The following EVC2 variants were observed in gnomAD, a reference collection of about 807,000 sequenced individuals.
EVC2 encodes limbin.
A neutral mutation model predicts 149.3 loss-of-function variants in EVC2; 148 were observed. That is an observed-to-expected ratio of 0.99 (90% CI 0.87 to 1.14). EVC2 has a LOEUF of 1.14. Among genes scored for constraint, EVC2 ranks in the 50% most tolerant of loss-of-function variants. EVC2 has a pLI of 0.00. For synonymous variants in EVC2, 776 were observed against 649.9 expected, an observed-to-expected ratio of 1.19 and a Z score of -2.95; for missense variants, 1,854 against 1,627.3, an observed-to-expected ratio of 1.14 and a Z score of -2.40.
At chr4:5,698,578 C>T (rs1721631341) in intron 1 of EVC2, among the ~76,000 whole-genome samples, 1 of 152,200 alleles carries the variant, frequency 6.6e-6, no homozygotes, top group Non-Finnish European at 1.5e-5. Context: ...AGACTCAGAC[C>T]TCTCTACTGA....
intron 11 of EVC2, among the ~76,000 whole-genome samples, chr4:5,630,816 T>C (rs182590475): frequency 6.6e-6 from 1 of 152,294 alleles, no homozygotes; most frequent in East Asian, 1.9e-4. Flanking sequence ...AAGAATGACA[T>C]TTGCATTTCT....
chr4:5,551,685 G>A (rs1721742507), intron 21 of EVC2, among the ~76,000 whole-genome samples: 1 of 152,128 alleles, frequency 6.6e-6, no homozygotes, highest in Non-Finnish European at 1.5e-5. Flanking sequence ...GATTAGGGAG[G>A]GGCCAGGGGA....
In EVC2 at chr4:5,618,091, A is replaced by G. The variant is rs534226630; in HGVS notation, c.2706+387T>C. 9.9e-5 allele frequency among the ~76,000 whole-genome samples: 15 copies of G among 152,268 alleles called. No homozygotes were observed. The highest frequency in any genetic ancestry group is 3.6e-4 in the African/African-American group (15 of 41,564). On this transcript the variant is annotated intron_variant, in intron 15 of 21. Transcript: ENST00000344408. This position sits in a 1 kb window ranked among gnomAD's most constrained non-coding sequence, Gnocchi z 4.4. ...GAGTTGAGATGAGCATCCCTCCTCT[A>G]TGCCATATAGAAAGGCCTTTTGTAC...
chr4:5,672,968 G>C (rs564975554), intron 7 of EVC2, among the ~76,000 whole-genome samples: 1 of 152,336 alleles, frequency 6.6e-6, no homozygotes, highest in East Asian at 1.9e-4. Flanking sequence ...AGAAGCAGAT[G>C]AGTGGTTTGC....
intron 21 of EVC2, 75 bp from the exon 22 acceptor site, chr4:5,563,190 G>A: frequency 2.1e-6 from 3 of 1,434,462 alleles, no homozygotes; most frequent in Non-Finnish European, 2.9e-6. Context: ...TTCTCCAAGA[G>A]AATCCCTCCT....
At chr4:5,663,986 A>G (rs561341378) in intron 8 of EVC2, among the ~76,000 whole-genome samples, 2 of 152,336 alleles carry the variant, frequency 1.3e-5, no homozygotes, top group African/African-American at 4.8e-5. Context: ...GAGATAAATA[A>G]GCCCAACCCT....
chr4:5,630,037 G>A (rs1401624287), intron 11 of EVC2, among the ~76,000 whole-genome samples: 3 of 152,194 alleles, frequency 2.0e-5, no homozygotes, highest in Non-Finnish European at 2.9e-5. Flanking sequence ...AGAGTAAAAT[G>A]ATAACGAATC....
intron 7 of EVC2, among the ~76,000 whole-genome samples, chr4:5,667,056 T>G (rs1719329928): frequency 6.6e-6 from 1 of 152,150 alleles, no homozygotes; most frequent in South Asian, 2.1e-4. Flanking sequence ...ATTTCTCCCT[T>G]TTCCCTATAG....
intron 11 of EVC2, 137 bp downstream of exon 11, chr4:5,631,656 A>C: frequency 8.1e-7 from 1 of 1,240,570 alleles, no homozygotes; most frequent in Non-Finnish European, 1.1e-6. Context: ...CTGGAAACTC[A>C]CACACCAAGA....
intron 21 of EVC2, among the ~76,000 whole-genome samples, chr4:5,564,028 G>A (rs569477587): frequency 5.9e-5 from 9 of 151,976 alleles, no homozygotes; most frequent in Admixed American, 4.6e-4. Context: ...AAGCCACAGC[G>A]CTCTCTCTCT....
At chr4:5,602,845 A>T (rs558685982) in intron 16 of EVC2, among the ~76,000 whole-genome samples, 7 of 152,332 alleles carry the variant, frequency 4.6e-5, no homozygotes, top group Admixed American at 2.0e-4. Flanking sequence ...ATCCCAAATT[A>T]CAGAAATCAA....
At chr4:5,673,791 G>T (rs552763118) in intron 7 of EVC2, among the ~76,000 whole-genome samples, 1 of 152,352 alleles carries the variant, frequency 6.6e-6, no homozygotes, top group South Asian at 2.1e-4. Context: ...TACAGAGTTT[G>T]ACTTCATTAT....
intron 9 of EVC2, among the ~76,000 whole-genome samples, chr4:5,646,121 G>A (rs1368915169): frequency 6.6e-6 from 1 of 152,066 alleles, no homozygotes; most frequent in African/African-American, 2.4e-5. Flanking sequence ...AGTAGAGACT[G>A]GGTTTCATCA....
In EVC2 at chr4:5,708,540, G is replaced by A. The variant is rs999413741; in HGVS notation, c.-27C>T. The A allele has an allele frequency of 1.4e-6, 2 of 1,399,174 alleles. No individual in the cohort carries two copies. Among genetic ancestry groups the A allele is most frequent in the Non-Finnish European group, 9.3e-7 (1 of 1,078,112 alleles). The allele number at this position is 1,399,174 out of a possible 1,614,324, so 86.7% of individuals were successfully genotyped here. ...GCCTGTCGGGACCCGCTACCTCAAA[G>A]CGGCGGGTGCCGCCGAGTCGCTGGA... is the stretch of plus-strand genomic sequence containing the variant. On this transcript the variant is annotated 5_prime_UTR_variant, in exon 1 of 22. Transcript: ENST00000344408.
chr4:5,546,668 A>C (rs2108757303), intron 21 of EVC2, among the ~76,000 whole-genome samples: 1 of 152,234 alleles, frequency 6.6e-6, no homozygotes, highest in East Asian at 1.9e-4. Flanking sequence ...ATACATATGT[A>C]ACAAACCTGC....
At chr4:5,604,224 G>T (rs144881258) in intron 16 of EVC2, among the ~76,000 whole-genome samples, 11 of 152,274 alleles carry the variant, frequency 7.2e-5, no homozygotes, top group African/African-American at 2.2e-4. Flanking sequence ...ATCACTTAAG[G>T]CTCACATATA....
intron 7 of EVC2, among the ~76,000 whole-genome samples, chr4:5,680,384 C>T (rs953814975): frequency 4.6e-5 from 7 of 152,138 alleles, no homozygotes; most frequent in South Asian, 2.1e-4. Flanking sequence ...GGTGAGTAAA[C>T]GCACCATGCT....
chr4:5,542,147 G>A (rs1040896226), downstream of EVC2, among the ~76,000 whole-genome samples: 1 of 152,096 alleles, frequency 6.6e-6, no homozygotes, highest in Non-Finnish European at 1.5e-5. Flanking sequence ...TGACCATGCC[G>A]GCACCCTGAT....
Position 5,625,688 on chromosome 4 carries a change from G to C in EVC2, c.2046+61C>G. On this transcript the variant is annotated intron_variant, in intron 13 of 21. Transcript: ENST00000344408. This position sits in a 1 kb window ranked among gnomAD's most constrained non-coding sequence, Gnocchi z 4.0. Reference sequence around the variant, plus strand: ...ATGGCAATGTCTGGCACAGTACCTGGCACTTGATGGGTATCAGAAAGTGCC... The same window carrying C: ...ATGGCAATGTCTGGCACAGTACCTGCCACTTGATGGGTATCAGAAAGTGCC... 1 of 1,604,358 alleles carries C rather than the reference G, an allele frequency of 6.2e-7. No homozygotes were observed. Among genetic ancestry groups the C allele is most frequent in the South Asian group, 1.1e-5 (1 of 90,622 alleles).
Sources: gnomAD v4.1 joint callset for allele counts (sites outside exome capture counted in the v4.1 genomes callset) on GRCh38, gnomAD v4.1.1 for gene constraint, Gnocchi (gnomAD v3.1) non-coding constraint, MANE v1.5 for transcripts, NCBI Gene and HGNC (gene_info 2026-07-23, HGNC 2026-07-21) for gene names.